Variants in VPS37A observed in about 807,000 individuals in gnomAD.
The protein encoded by VPS37A is vacuolar protein sorting-associated protein 37A.
A neutral mutation model predicts 49.8 loss-of-function variants in VPS37A; 30 were observed. The observed-to-expected ratio is 0.60, with a 90% CI of 0.45 to 0.82. The LOEUF is 0.82. Among genes scored for constraint, VPS37A ranks in the 40% least tolerant of loss-of-function variants. The pLI is 0.00. For synonymous variants in VPS37A, 195 were observed against 160.6 expected (o/e 1.21, Z -1.62); for missense variants, 593 against 464.4 (o/e 1.28, Z -2.55).
intron 6 of VPS37A, among the ~76,000 whole-genome samples, chr8:17,278,568 T>C (rs1305755282): frequency 6.6e-6 from 1 of 152,136 alleles, no homozygotes; most frequent in Non-Finnish European, 1.5e-5. Context: ...GTGAAGATGC[T>C]GTGGGCTCAT....
At chr8:17,276,540 T>A in intron 6 of VPS37A, 73 bp downstream of exon 6, 2 of 1,397,474 alleles carry the variant, frequency 1.4e-6, no homozygotes, top group South Asian at 1.3e-5. Context: ...TTATTTCATA[T>A]CCATATAAAT....
rs1483883258 is a variant in VPS37A, at chr8:17,268,953, C to G, written c.413C>G (p.Pro138Arg). 1.9e-6 allele frequency: 3 copies of G among 1,591,814 alleles called. No homozygotes were observed. Among genetic ancestry groups the G allele is most frequent in the Non-Finnish European group, 2.6e-6 (3 of 1,167,142 alleles). ...PVLAPTSTAF[P>R]YLYSNPSGMS... ...TTAGCTCCTACTTCAACAGCATTTC[C>G]TTAGTAAGTATATTTCTAGTAAATA... The change falls in exon 4 of 12, where the codon CCT (proline) becomes CGT (arginine). Residue 138 changes from proline to arginine, a missense_variant. Pro to Arg is a moderately radical substitution (Grantham distance 103, BLOSUM62 -2). Coordinates refer to ENST00000324849, the MANE Select transcript of VPS37A (RefSeq NM_152415.3).
chr8:17,293,501 G>C (rs1337356715), intron 11 of VPS37A, among the ~76,000 whole-genome samples: 1 of 152,116 alleles, frequency 6.6e-6, no homozygotes, highest in East Asian at 1.9e-4. Context: ...TTCCCTTGCT[G>C]GCGAGGAGTT....
At chr8:17,302,318 C>A, downstream of VPS37A, 1 of 1,582,208 alleles carries the variant, frequency 6.3e-7, no homozygotes, top group South Asian at 1.2e-5. Context: ...ACCACCTTAT[C>A]ACAGTCTGAA....
At chr8:17,324,289 C>T in the VPS37A span, among the ~76,000 whole-genome samples, 36 of 152,162 alleles carry the variant, frequency 2.4e-4, no homozygotes, top group African/African-American at 7.7e-4. Context: ...ATAAATGTCC[C>T]GGCTCCTGTG....
intron 1 of VPS37A, among the ~76,000 whole-genome samples, chr8:17,255,487 T>A: frequency 7.3e-6 from 1 of 137,390 alleles, no homozygotes; most frequent in Non-Finnish European, 1.5e-5. Flanking sequence ...GTCTTAAATA[T>A]ATATATGTGT....
chr8:17,251,875 C>G (rs1391345365), intron 1 of VPS37A, among the ~76,000 whole-genome samples: 3 of 152,130 alleles, frequency 2.0e-5, no homozygotes, highest in Non-Finnish European at 2.9e-5. Context: ...GTAGAGTCAG[C>G]TCTTGTATAG....
intron 10 of VPS37A, among the ~76,000 whole-genome samples, chr8:17,285,261 G>T (rs1187486248): frequency 2.6e-5 from 4 of 152,062 alleles, no homozygotes; most frequent in African/African-American, 9.7e-5. Flanking sequence ...TTCAGAAATG[G>T]TAGTATCTGT....
At chr8:17,302,348 T>C, downstream of VPS37A, 1 of 1,519,352 alleles carries the variant, frequency 6.6e-7, no homozygotes, top group Non-Finnish European at 8.9e-7. Context: ...CCTCAAGTCT[T>C]CTAAGGTATC....
intron 11 of VPS37A, 112 bp downstream of exon 11, chr8:17,286,539 G>A (rs1366589465): frequency 7.1e-6 from 6 of 842,550 alleles, no homozygotes; most frequent in African/African-American, 6.9e-5. Context: ...TGTCATTATA[G>A]TTACTGTGCT....
chr8:17,275,238 T>G (rs1423269426), intron 5 of VPS37A, among the ~76,000 whole-genome samples: 1 of 152,156 alleles, frequency 6.6e-6, no homozygotes, highest in Admixed American at 6.5e-5. Flanking sequence ...TAGATCGCCT[T>G]TACAAAAAAT....
At chr8:17,277,625 G>A (rs905730863) in intron 6 of VPS37A, among the ~76,000 whole-genome samples, 5 of 151,770 alleles carry the variant, frequency 3.3e-5, no homozygotes, top group Admixed American at 2.6e-4. Context: ...TTTCTACCAG[G>A]TAAGGATTTT....
At chr8:17,255,096 T>C (rs1329564683) in intron 1 of VPS37A, among the ~76,000 whole-genome samples, 2 of 152,238 alleles carry the variant, frequency 1.3e-5, no homozygotes, top group African/African-American at 4.8e-5. Flanking sequence ...TATTTCCATT[T>C]CCTTGCAGGA....
At chr8:17,333,042 ACAG>A in the VPS37A span, among the ~76,000 whole-genome samples, 1 of 152,114 alleles carries the variant, frequency 6.6e-6, no homozygotes, top group Non-Finnish European at 1.5e-5. Flanking sequence ...AGTGAAAAAA[ACAG>A]CAGAGGATAA....
At chr8:17,265,586 A>G (rs1480184110) in intron 1 of VPS37A, among the ~76,000 whole-genome samples, 1 of 152,208 alleles carries the variant, frequency 6.6e-6, no homozygotes, top group East Asian at 1.9e-4. Flanking sequence ...TATTAACCGG[A>G]GAGCACACAA....
chr8:17,263,232 T>C (rs945301729), intron 1 of VPS37A, among the ~76,000 whole-genome samples: 8 of 152,198 alleles, frequency 5.3e-5, no homozygotes, highest in South Asian at 4.1e-4. Flanking sequence ...GCAATATGTT[T>C]ACAGTGGTTT....
At chr8:17,307,002 C>A (rs914027700), downstream of VPS37A, among the ~76,000 whole-genome samples, 3 of 152,130 alleles carry the variant, frequency 2.0e-5, no homozygotes, top group Non-Finnish European at 4.4e-5. Context: ...GTCTAAAACA[C>A]CAAAAGCAAT....
intron 1 of VPS37A, among the ~76,000 whole-genome samples, chr8:17,254,876 T>A (rs1180828176): frequency 3.3e-5 from 5 of 152,170 alleles, no homozygotes; most frequent in African/African-American, 1.2e-4. Flanking sequence ...ATCATAGAGA[T>A]TTAGATAGGA....
intron 1 of VPS37A, among the ~76,000 whole-genome samples, chr8:17,249,812 G>A (rs1439625453): frequency 6.6e-6 from 1 of 152,200 alleles, no homozygotes; most frequent in African/African-American, 2.4e-5. Flanking sequence ...TTTAATCAAA[G>A]TTTTACACTG....
Sources: allele counts gnomAD v4.1 joint callset (sites outside exome capture counted in the v4.1 genomes callset), GRCh38; gene constraint gnomAD v4.1.1; transcripts MANE v1.5; gene names NCBI Gene and HGNC (gene_info 2026-07-23, HGNC 2026-07-21).